The following IL5RA variants were observed in gnomAD, a reference collection of about 807,000 sequenced individuals.
The protein encoded by IL5RA is interleukin 5 receptor subunit alpha.
IL5RA carries 49 observed loss-of-function variants against 50.0 expected under a neutral mutation model. The ratio of observed to expected loss-of-function variants is 0.98; its 90% confidence interval spans 0.78 to 1.24. The LOEUF (loss-of-function observed/expected upper bound fraction) is 1.24, where lower values mean the gene tolerates loss of function less well. IL5RA is among the 50% of genes most tolerant of loss of function. The pLI is 0.00. For synonymous variants in IL5RA, 202 were observed against 174.0 expected (o/e 1.16, Z -1.26); for missense variants, 600 against 500.4 (o/e 1.20, Z -1.90).
At position 3,092,414 on chromosome 3, in the gene IL5RA, C is replaced by T; in HGVS notation, c.856-52G>A. ...GAATCTCTAGACACCTAATTTAGTT[C>T]TGCCGATTATCAGAATGGGAGGTCC... On this transcript the variant is annotated intron_variant, in intron 8 of 11. Transcript: ENST00000446632. This position sits in a 1 kb window ranked among gnomAD's most constrained non-coding sequence, Gnocchi z 4.2. 6.4e-7 allele frequency: 1 copy of T among 1,564,398 alleles called. No individual in the cohort carries two copies. The highest frequency in any genetic ancestry group is 8.7e-7 in the Non-Finnish European group (1 of 1,145,634).
At chr3:3,080,576 G>A (rs1702628754) in intron 9 of IL5RA, among the ~76,000 whole-genome samples, 1 of 152,172 alleles carries the variant, frequency 6.6e-6, no homozygotes, top group Non-Finnish European at 1.5e-5. Flanking sequence ...TTCTGATAAG[G>A]CTAAGTGTGC....
At chr3:3,090,821 T>C (rs1415672188) in intron 9 of IL5RA, among the ~76,000 whole-genome samples, 34 of 151,744 alleles carry the variant, frequency 2.2e-4, no homozygotes, top group Non-Finnish European at 4.0e-4. Flanking sequence ...GATCTGCCCA[T>C]CTCGGCCTCC....
intron 7 of IL5RA, 128 bp downstream of exon 7, chr3:3,097,742 T>G: frequency 1.9e-6 from 2 of 1,049,570 alleles, no homozygotes; most frequent in South Asian, 1.7e-5. Context: ...CCAGTGGTTT[T>G]CAAACATGGG....
intron 10 of IL5RA, among the ~76,000 whole-genome samples, chr3:3,075,125 A>G (rs1702431359): frequency 6.6e-6 from 1 of 151,402 alleles, no homozygotes; most frequent in African/African-American, 2.4e-5. Flanking sequence ...ATATCTGAAA[A>G]CGAACTGTAT....
rs773625944 is a variant in IL5RA, at chr3:3,098,010, A to C, written c.569T>G (p.Leu190Arg). 6.2e-7 allele frequency: 1 copy of C among 1,614,190 alleles called. No homozygotes were observed. Among genetic ancestry groups the C allele is most frequent in the Non-Finnish European group, 8.5e-7 (1 of 1,180,036 alleles). The stretch of plus-strand genomic sequence containing the variant: ...AAACCAGCATGCGATATTTCTCCCC[A>C]GTGTGTCTTTGCTGTATTCTTGGCA... ...EECQEYSKDT[L>R]GRNIACWFPR... The change falls in exon 7 of 12, where the codon CTG becomes CGG. Residue 190 changes from leucine to arginine, a missense_variant. Transcript: ENST00000446632.
intron 7 of IL5RA, among the ~76,000 whole-genome samples, chr3:3,097,065 C>T (rs1294139294): frequency 1.3e-5 from 2 of 152,218 alleles, no homozygotes; most frequent in Admixed American, 6.5e-5. Flanking sequence ...CCCATAATAA[C>T]CACCCACCAT....
At chr3:3,072,809 G>A (rs1702346211) in intron 11 of IL5RA, among the ~76,000 whole-genome samples, 1 of 152,212 alleles carries the variant, frequency 6.6e-6, no homozygotes, top group South Asian at 2.1e-4. Context: ...CTATATGGGA[G>A]GCTGAGGCAG....
intron 11 of IL5RA, among the ~76,000 whole-genome samples, chr3:3,074,502 C>T (rs1702409996): frequency 6.6e-6 from 1 of 152,166 alleles, no homozygotes; most frequent in Admixed American, 6.6e-5. Flanking sequence ...GGCATGGTGG[C>T]ATGCTTCTGC....
At chr3:3,101,641 T>C in intron 5 of IL5RA, 51 bp downstream of exon 5, 1 of 1,572,376 alleles carries the variant, frequency 6.4e-7, no homozygotes, top group South Asian at 1.2e-5. Context: ...TACTTTTCCA[T>C]ATTTGCAAAG....
chr3:3,107,872 G>A (rs985136092), intron 2 of IL5RA, among the ~76,000 whole-genome samples: 14 of 152,294 alleles, frequency 9.2e-5, no homozygotes, highest in African/African-American at 2.9e-4. Context: ...TTTCCCCAGC[G>A]TTCTTGAGAA....
chr3:3,108,239 C>G (rs17884972), intron 2 of IL5RA, among the ~76,000 whole-genome samples: 218 of 152,148 alleles, frequency 1.4e-3, no homozygotes, highest in Non-Finnish European at 2.2e-3. Flanking sequence ...GCATTACCCC[C>G]CAATGAAAAA....
intron 9 of IL5RA, among the ~76,000 whole-genome samples, chr3:3,088,580 T>C (rs1702968060): frequency 6.6e-6 from 1 of 152,220 alleles, no homozygotes; most frequent in Non-Finnish European, 1.5e-5. Flanking sequence ...AAAACCTAGA[T>C]GTCCTGAATA....
In IL5RA at chr3:3,097,961, T is replaced by G; in HGVS notation, c.618A>C (p.Lys206Asn). The change falls in exon 7 of 12, where the codon AAA (lysine) becomes AAC (asparagine). Residue 206 changes from lysine (K) to asparagine (N), a missense_variant. By Grantham distance (94) the Lys-to-Asn change is moderately conservative. Transcript: ENST00000446632. ...CWFPRTFILS[K>N]GRDWLAVLVN... ...CAAGCACCGCAAGCCAGTCACGCCC[T>G]TTGCTGAGGATAAAAGTCCTGGGAA... 2 of 1,614,178 alleles carry G rather than the reference T, an allele frequency of 1.2e-6. No individual in the cohort carries two copies. Among genetic ancestry groups the G allele is most frequent in the African/African-American group, 2.7e-5 (2 of 75,036 alleles).
At position 3,070,273 on chromosome 3, in the gene IL5RA, A is replaced by G; in HGVS notation, c.1215T>C (p.Cys405=). 1 of 1,613,570 alleles carries G rather than the reference A, an allele frequency of 6.2e-7. No individual in the cohort carries two copies. Among genetic ancestry groups the G allele is most frequent in the Non-Finnish European group, 8.5e-7 (1 of 1,179,642 alleles). The change falls in exon 12 of 12, where the codon TGT becomes TGC. Residue 405 remains cysteine (C), a synonymous_variant. Coordinates refer to ENST00000446632, the MANE Select transcript of IL5RA (RefSeq NM_175726.4). ...GSSETEIEVI[C]YIEKPGVETL... Reference sequence around the variant, plus strand: ...TCTCAACTCCAGGCTTCTCTATATAACAGATGACTTCAATTTCCGTCTCAC... The same window carrying G: ...TCTCAACTCCAGGCTTCTCTATATAGCAGATGACTTCAATTTCCGTCTCAC...
chr3:3,091,956 A>C, intron 9 of IL5RA: 1 of 1,182,326 alleles, frequency 8.5e-7, no homozygotes, highest in South Asian at 4.1e-5. Context: ...AATTTAAAAA[A>C]TGGATAGAAG....
At chr3:3,099,678 T>TATTA (rs1449831422) in intron 5 of IL5RA, among the ~76,000 whole-genome samples, 1 of 149,570 alleles carries the variant, frequency 6.7e-6, no homozygotes, top group African/African-American at 2.4e-5. Context: ...TTATTATTAT[T>TATTA]ATTATTATTT....
intron 9 of IL5RA, among the ~76,000 whole-genome samples, chr3:3,084,717 C>T (rs1488093878): frequency 6.6e-6 from 1 of 152,246 alleles, no homozygotes; most frequent in African/African-American, 2.4e-5. Context: ...GGAGCCAATC[C>T]TCTAGCTGTG....
At chr3:3,073,870 C>G in intron 11 of IL5RA, 1 of 429,924 alleles carries the variant, frequency 2.3e-6, no homozygotes, top group Non-Finnish European at 4.6e-6. Context: ...CTTTTGGAGG[C>G]CTTCCACAAA....
chr3:3,095,711 T>C (rs1274426586), intron 7 of IL5RA, among the ~76,000 whole-genome samples: 2 of 152,040 alleles, frequency 1.3e-5, no homozygotes, highest in African/African-American at 4.8e-5. Flanking sequence ...CTTGAATTAC[T>C]TCCCCCCCTC....
Sources: gnomAD v4.1 joint callset for allele counts (sites outside exome capture counted in the v4.1 genomes callset) on GRCh38, gnomAD v4.1.1 for gene constraint, Gnocchi (gnomAD v3.1) non-coding constraint, MANE v1.5 for transcripts, NCBI Gene and HGNC (gene_info 2026-07-23, HGNC 2026-07-21) for gene names.